KAZN: variants seen among roughly 807,000 people sequenced by gnomAD.
The protein encoded by KAZN is kazrin, periplakin interacting protein.
A neutral mutation model predicts 87.4 loss-of-function variants in KAZN; 40 were observed. The observed-to-expected ratio is 0.46, with a 90% confidence interval of 0.36 to 0.60. KAZN has a LOEUF of 0.60. Ranked by LOEUF, KAZN falls within the 20% of genes least tolerant of loss-of-function variation. KAZN has a pLI of 0.00. For missense variants in KAZN, 898 were observed against 1,073.9 expected (o/e 0.84, Z 2.29); for synonymous variants, 466 against 458.3 (o/e 1.02, Z -0.22).
At position 14,793,034 on chromosome 1, in the gene KAZN, C is replaced by T. The variant is rs114386680; in HGVS notation, c.227-167650C>T. Reference sequence around the variant, plus strand: ...GCGGGACTGCATTTGGGAAAGCAGCCGGAGGAGATGAGGGTCAGCCCAGGC... The same window carrying T: ...GCGGGACTGCATTTGGGAAAGCAGCTGGAGGAGATGAGGGTCAGCCCAGGC... On this transcript the variant is annotated intron_variant, in intron 1 of 14. Transcript: ENST00000376030. Among the ~76,000 whole-genome samples, 754 of 151,440 alleles carry T rather than the reference C, an allele frequency of 5.0e-3. 7 individuals are homozygous for T. The highest frequency in any genetic ancestry group is 0.017 in the African/African-American group (716 of 41,272).
intron 2 of KAZN, among the ~76,000 whole-genome samples, chr1:14,575,350 C>A (rs1675114647): frequency 6.6e-6 from 1 of 152,026 alleles, no homozygotes; most frequent in Admixed American, 6.6e-5. Context: ...CGGCAGAAGG[C>A]AAAAGGCACA....
At chr1:14,560,871 C>T (rs1045660158) in intron 2 of KAZN, among the ~76,000 whole-genome samples, 2 of 151,674 alleles carry the variant, frequency 1.3e-5, no homozygotes, top group African/African-American at 4.8e-5. Flanking sequence ...AGAAGTAACA[C>T]AGCCAGGCCT....
At chr1:14,166,842 T>A (rs994415537) in intron 1 of KAZN, among the ~76,000 whole-genome samples, 74 of 152,350 alleles carry the variant, frequency 4.9e-4, no homozygotes, top group African/African-American at 1.7e-3. Flanking sequence ...ACTTTTCAAA[T>A]GTCATTAATT....
chr1:14,616,499 G>A (rs1182531135), intron 1 of KAZN, among the ~76,000 whole-genome samples: 2 of 151,928 alleles, frequency 1.3e-5, no homozygotes, highest in Non-Finnish European at 2.9e-5. Context: ...CAAGCCAGAT[G>A]CCCAAATTAA....
rs1441406454 is a variant in KAZN at position 14,820,224 on chromosome 1, G to T, written c.227-140460G>T. On this transcript the variant is annotated intron_variant, in intron 1 of 14. Coordinates refer to ENST00000376030, the MANE Select transcript of KAZN (RefSeq NM_201628.3). This position sits in a 1 kb window ranked among gnomAD's most constrained non-coding sequence, Gnocchi z 4.1. ...TCACACAGAGGGGCTGGTGCTGCTG[G>T]TCAAAGATCACCATTAGAGCAATGC... Among the ~76,000 whole-genome samples the T allele has an allele frequency of 6.6e-6, 1 of 152,206 alleles. No homozygotes were observed.
intron 2 of KAZN, among the ~76,000 whole-genome samples, chr1:15,025,394 C>T (rs1252722451): frequency 1.3e-5 from 2 of 152,142 alleles, no homozygotes; most frequent in African/African-American, 4.8e-5. Context: ...ATGGAGTATG[C>T]TGGTAATTGG....
intron 1 of KAZN, among the ~76,000 whole-genome samples, chr1:14,026,488 C>A (rs1641075601): frequency 6.6e-6 from 1 of 152,176 alleles, no homozygotes; most frequent in African/African-American, 2.4e-5. Flanking sequence ...AATGGCCCTG[C>A]TGCTTGTTTC....
rs908647604 is a variant in KAZN, at chr1:14,465,347, T to C, written c.250-133636T>C. ...CCGGGAGGTGGAGCTGGCAGTGAGC[T>C]GAGATTGTGCCACTGCACTCCAGCC... On this transcript the variant is annotated intron_variant, in intron 2 of 16. Transcript: ENST00000636203. 2.2e-5 allele frequency among the ~76,000 whole-genome samples: 3 copies of C among 136,456 alleles called. No individual in the cohort carries two copies. The Admixed American group carries it at 2.6e-4, about 12-fold the overall frequency. The allele number at this position is 136,456 out of a possible 152,430, so 89.5% of individuals were successfully genotyped here.
At chr1:14,347,259 G>A (rs1025505586) in intron 2 of KAZN, among the ~76,000 whole-genome samples, 5 of 152,176 alleles carry the variant, frequency 3.3e-5, no homozygotes, top group South Asian at 4.2e-4. Flanking sequence ...AGACTACCAT[G>A]AGCATGCTCC....
intron 8 of KAZN, among the ~76,000 whole-genome samples, chr1:15,071,041 A>T (rs995992210): frequency 6.6e-6 from 1 of 152,196 alleles, no homozygotes; most frequent in Non-Finnish European, 1.5e-5. Context: ...AATAGGGAAC[A>T]TGTATCAGCT....
At chr1:13,942,106 T>C (rs1056675543) in intron 1 of KAZN, among the ~76,000 whole-genome samples, 3 of 152,184 alleles carry the variant, frequency 2.0e-5, no homozygotes, top group African/African-American at 7.2e-5. Context: ...GGCTCTATTT[T>C]AGGAGTTAGA....
At position 14,134,969 on chromosome 1, in the gene KAZN, G is replaced by A. The variant is rs544033976; in HGVS notation, c.92-45466G>A. Reference sequence around the variant, plus strand: ...CACAAGCATGCATGCATATGCACCCGCACACACACACACACACACACACAC... The same window carrying A: ...CACAAGCATGCATGCATATGCACCCACACACACACACACACACACACACAC... On this transcript the variant is annotated intron_variant, in intron 1 of 16. Transcript: ENST00000636203. Among the ~76,000 whole-genome samples, 181 of 99,070 alleles carry A rather than the reference G, an allele frequency of 1.8e-3. 2 individuals are homozygous for A. The East Asian group carries it at 0.031, about 17-fold the overall frequency. 65.0% of individuals were successfully genotyped at this position (99,070 alleles called of 152,430 possible).
intron 1 of KAZN, among the ~76,000 whole-genome samples, chr1:14,041,272 G>A (rs79151560): frequency 0.056 from 8,496 of 152,090 alleles, 779 homozygotes; most frequent in African/African-American, 0.19. Flanking sequence ...ATAATTCCAC[G>A]TTTTGTTGTA....
chr1:14,334,903 T>C (rs771004821), intron 2 of KAZN, among the ~76,000 whole-genome samples: 4 of 150,876 alleles, frequency 2.7e-5, no homozygotes, highest in Non-Finnish European at 5.9e-5. Flanking sequence ...ATCCACAAAC[T>C]CAGAGAGAAA....
intron 2 of KAZN, among the ~76,000 whole-genome samples, chr1:14,552,575 C>A (rs1673606583): frequency 6.6e-6 from 1 of 152,164 alleles, no homozygotes. Context: ...GGAGCTTGTG[C>A]TATGTTCAAA....
chr1:14,263,800 A>G (rs528415967), intron 2 of KAZN, among the ~76,000 whole-genome samples: 45 of 152,368 alleles, frequency 3.0e-4, no homozygotes, highest in Admixed American at 2.5e-3. Flanking sequence ...ACAGAGCTCA[A>G]GTTGACAGCA....
intron 1 of KAZN, among the ~76,000 whole-genome samples, chr1:14,922,792 A>C (rs1658672683): frequency 1.9e-5 from 1 of 53,716 alleles, no homozygotes; most frequent in South Asian, 5.3e-4. Context: ...ACTCTGTCTC[A>C]AAAAAAAAAA....
intron 1 of KAZN, among the ~76,000 whole-genome samples, chr1:14,803,214 C>T (rs114914625): frequency 4.8e-4 from 73 of 152,278 alleles, no homozygotes; most frequent in African/African-American, 1.8e-3. Flanking sequence ...CCCCATTTTA[C>T]AGAGGAGGAA....
chr1:14,386,579 G>T (rs1015248418), intron 2 of KAZN, among the ~76,000 whole-genome samples: 4 of 151,940 alleles, frequency 2.6e-5, no homozygotes, highest in Admixed American at 2.6e-4. Context: ...ATGAAGCTTA[G>T]TTTGGCTGGA....
Sources: gnomAD v4.1 joint callset for allele counts (sites outside exome capture counted in the v4.1 genomes callset) on GRCh38, gnomAD v4.1.1 for gene constraint, Gnocchi (gnomAD v3.1) non-coding constraint, MANE v1.5 for transcripts, NCBI Gene and HGNC (gene_info 2026-07-23, HGNC 2026-07-21) for gene names.